NFE2L3: variants seen among roughly 807,000 people sequenced by gnomAD.
NFE2L3 encodes nuclear factor erythroid 2-related factor 3.
NFE2L3 carries 18 observed loss-of-function variants against 23.5 expected under a neutral mutation model. The ratio of observed to expected loss-of-function variants is 0.77; its 90% confidence interval spans 0.53 to 1.13. NFE2L3 has a LOEUF of 1.13. NFE2L3 is among the 50% of genes most tolerant of loss of function. The pLI is 0.00. For synonymous variants in NFE2L3, 424 were observed against 354.5 expected, an observed-to-expected ratio of 1.20 and a Z score of -2.20; for missense variants, 1,152 against 877.2, an observed-to-expected ratio of 1.31 and a Z score of -3.96.
At position 26,185,839 on chromosome 7, in the gene NFE2L3, A is replaced by C; in HGVS notation, c.*56A>C. ...AAGTAGTAATGTTCAGAAACTGATT[A>C]TTTGGATCAGAAACCATTGAAACTG... On this transcript the variant is annotated 3_prime_UTR_variant, in exon 4 of 4. Coordinates refer to ENST00000056233, the MANE Select transcript of NFE2L3 (RefSeq NM_004289.7). 7.2e-7 allele frequency: 1 copy of C among 1,392,190 alleles called. No homozygotes were observed. The highest frequency in any genetic ancestry group is 1.5e-5 in the African/African-American group (1 of 68,400). 86.2% of individuals were successfully genotyped at this position (1,392,190 alleles called of 1,614,324 possible).
chr7:26,181,228 T>C (rs1443226881), intron 2 of NFE2L3, among the ~76,000 whole-genome samples: 1 of 152,204 alleles, frequency 6.6e-6, no homozygotes, highest in East Asian at 1.9e-4. Context: ...CTGCCCACTT[T>C]GGCCTCCCAA....
intron 1 of NFE2L3, among the ~76,000 whole-genome samples, chr7:26,176,135 T>A (rs1026898533): frequency 1.3e-5 from 2 of 150,824 alleles, no homozygotes; most frequent in Non-Finnish European, 3.0e-5. Flanking sequence ...CATTTAACCC[T>A]GAGTTGACAC....
At chr7:26,183,618 GGTGATCCTTTAAA>G in intron 2 of NFE2L3, 70 bp from the exon 3 acceptor site, 3 of 803,134 alleles carry the variant, frequency 3.7e-6, no homozygotes, top group Non-Finnish European at 4.3e-6. Context: ...AATAATACCT[GGTGATCCTTTAAA>G]GATAAAGCCT....
In NFE2L3 at chr7:26,152,518, G is replaced by A. The variant is rs1201562781; in HGVS notation, c.20G>A (p.Trp7Ter). MKHLKR[W>*]WSAGGGLLHL... ...GCGGCGATGAAGCACCTGAAGCGGT[G>A]GTGGTCGGCCGGCGGCGGCCTCCTG... The change falls in exon 1 of 4, where the codon TGG (tryptophan) becomes TAG (stop). Residue 7 changes from tryptophan (W) to a stop codon, truncating the protein, a stop_gained. Coordinates refer to ENST00000056233, the MANE Select transcript of NFE2L3 (RefSeq NM_004289.7). LOFTEE classifies it high-confidence loss of function. The surrounding 1 kb of genome is among the most constrained non-coding windows in gnomAD (Gnocchi z 4.4). The A allele has an allele frequency of 5.0e-6, 7 of 1,410,762 alleles. No individual in the cohort carries two copies. Among genetic ancestry groups the A allele is most frequent in the South Asian group, 1.6e-5 (1 of 61,000 alleles). 87.4% of individuals were successfully genotyped at this position (1,410,762 alleles called of 1,614,324 possible).
At chr7:26,182,051 GTTTATGGCAAAATATT>G (rs1389983982) in intron 2 of NFE2L3, among the ~76,000 whole-genome samples, 2 of 152,070 alleles carry the variant, frequency 1.3e-5, no homozygotes, top group Middle Eastern at 3.2e-3. Flanking sequence ...TTTAAAATGA[GTTTATGGCAAAATATT>G]TCCAGAAAAG....
rs991686221 is a variant in NFE2L3 at position 26,152,855 on chromosome 7, G to A, written c.357G>A (p.Gly119=). 6.1e-6 allele frequency: 9 copies of A among 1,472,546 alleles called. No individual in the cohort carries two copies. In the African/African-American group the frequency reaches 1.2e-4, roughly 19 times the overall value. 91.2% of individuals were successfully genotyped at this position (1,472,546 alleles called of 1,614,324 possible). The change falls in exon 1 of 4, where the codon GGG becomes GGA. Residue 119 remains glycine, a synonymous_variant. Transcript: ENST00000056233. The surrounding 1 kb of genome is among the most constrained non-coding windows in gnomAD (Gnocchi z 4.4). ...DAWLVHSVAA[G]SADEAHGLLG... ...GGCTGGTGCACAGCGTGGCTGCCGGGAGCGCGGACGAGGCCCACGGGCTGC... is the reference window on the plus strand; with the variant it reads ...GGCTGGTGCACAGCGTGGCTGCCGGAAGCGCGGACGAGGCCCACGGGCTGC...
intron 1 of NFE2L3, among the ~76,000 whole-genome samples, chr7:26,177,600 G>A (rs1423397219): frequency 6.6e-6 from 1 of 152,158 alleles, no homozygotes. Flanking sequence ...GTCGAAAGGA[G>A]GGAAGGAGGG....
In NFE2L3 at chr7:26,157,344, A is replaced by AT. The variant is rs1280239595; in HGVS notation, c.570+4290dup. On this transcript the variant is annotated intron_variant, in intron 1 of 3. Coordinates refer to ENST00000056233, the MANE Select transcript of NFE2L3 (RefSeq NM_004289.7). ...AGACGCGCACCACTGCTTCTGGCTG[A>AT]TTTTTTTTTTTTTTAATAGAAATAA... Among the ~76,000 whole-genome samples the AT allele has an allele frequency of 4.4e-3, 627 of 143,286 alleles. 3 individuals carry two copies. Among genetic ancestry groups the AT allele is most frequent in the African/African-American group, 8.9e-3 (348 of 39,280 alleles). The allele number at this position is 143,286 out of a possible 152,430, so 94.0% of individuals were successfully genotyped here.
chr7:26,178,387 T>A (rs1784451528), intron 2 of NFE2L3, among the ~76,000 whole-genome samples: 1 of 152,116 alleles, frequency 6.6e-6, no homozygotes. Flanking sequence ...GCTAGCAGGT[T>A]TTGCTAGTTA....
intron 2 of NFE2L3, among the ~76,000 whole-genome samples, chr7:26,178,972 C>CCCTG (rs1351182321): frequency 6.6e-6 from 1 of 152,150 alleles, no homozygotes; most frequent in African/African-American, 2.4e-5. Context: ...GAGTACCATG[C>CCCTG]CCTGACCCTT....
chr7:26,153,066 G>T lies in NFE2L3; in HGVS notation c.568G>T (p.Glu190Ter). Residue 190 changes from glutamate (E) to a stop codon, truncating the protein, a stop_gained and splice_region_variant, in exon 1 of 4, where the codon GAG becomes TAG. Transcript: ENST00000056233. LOFTEE classifies it high-confidence loss of function. ...QVPDAGGCASEENGVLREKHE... is the reference protein window; with the variant it reads ...QVPDAGGCAS ...GCCGGACGCTGGCGGATGTGCGAGC[G>T]AGGTAGGTGCAGAGCGGGAAGCGAG... is the stretch of plus-strand genomic sequence containing the variant. 6.5e-7 allele frequency: 1 copy of T among 1,526,958 alleles called. No homozygotes were observed. The highest frequency in any genetic ancestry group is 1.4e-5 in the African/African-American group (1 of 71,352). 94.6% of individuals were successfully genotyped at this position (1,526,958 alleles called of 1,614,324 possible). A position where few individuals can be genotyped will look rare whatever the true frequency, so the allele number is the denominator to read the frequency against.
At chr7:26,180,065 A>G (rs1483971033) in intron 2 of NFE2L3, among the ~76,000 whole-genome samples, 1 of 152,136 alleles carries the variant, frequency 6.6e-6, no homozygotes, top group African/African-American at 2.4e-5. Flanking sequence ...CTGGCCGCCT[A>G]GCACCTGGAA....
At position 26,166,216 on chromosome 7, in the gene NFE2L3, C is replaced by T. The variant is rs796413282; in HGVS notation, c.571-11727C>T. Among the ~76,000 whole-genome samples the T allele has an allele frequency of 4.6e-5, 7 of 152,188 alleles. 2 individuals are homozygous for T. In the South Asian group the frequency reaches 1.0e-3, roughly 23 times the overall value. On this transcript the variant is annotated intron_variant, in intron 1 of 3. Coordinates refer to ENST00000056233, the MANE Select transcript of NFE2L3 (RefSeq NM_004289.7). The stretch of plus-strand genomic sequence containing the variant: ...CTTCTTACAGCCATGTGGTCAGGGG[C>T]AGACAGGGACGTTGGAGTGCCCAGA...
intron 1 of NFE2L3, among the ~76,000 whole-genome samples, chr7:26,170,083 C>A (rs1213975888): frequency 1.3e-5 from 2 of 152,060 alleles, no homozygotes; most frequent in Admixed American, 1.3e-4. Context: ...TTAATAGTAC[C>A]CTCTTACCCT....
Position 26,185,458 on chromosome 7 carries a change from A to G in NFE2L3, c.1760A>G (p.Lys587Arg), listed in dbSNP as rs1337496115. The change falls in exon 4 of 4, where the codon AAA becomes AGA. Residue 587 changes from lysine to arginine, a missense_variant. Lys to Arg is a conservative substitution (Grantham distance 26). Transcript: ENST00000056233. The part of the protein sequence containing the change: ...SLIRDIRRRG[K>R]NKVAAQNCRK... ...ATCCGTGACATCAGACGAAGAGGGA[A>G]AAATAAAGTTGCTGCGCAGAACTGT... 81 of 1,614,106 alleles carry G rather than the reference A, an allele frequency of 5.0e-5. 5 individuals carry two copies. The South Asian group carries it at 8.8e-4, about 18-fold the overall frequency.
intron 1 of NFE2L3, among the ~76,000 whole-genome samples, chr7:26,166,974 A>C (rs1384849379): frequency 1.3e-5 from 2 of 152,222 alleles, no homozygotes; most frequent in Non-Finnish European, 2.9e-5. Context: ...CTGTTCACAA[A>C]GGGTATTTTC....
At position 26,152,383 on chromosome 7, in the gene NFE2L3, T is replaced by G; in HGVS notation, c.-116T>G. ...CACGCGCCCCGGTCCATTGTTTCGCTTATCTGGGTTCCAGGCAGGTGCGGG... is the reference window on the plus strand; with the variant it reads ...CACGCGCCCCGGTCCATTGTTTCGCGTATCTGGGTTCCAGGCAGGTGCGGG... On this transcript the variant is annotated 5_prime_UTR_variant, in exon 1 of 4. Coordinates refer to ENST00000056233, the MANE Select transcript of NFE2L3 (RefSeq NM_004289.7). This position sits in a 1 kb window ranked among gnomAD's most constrained non-coding sequence, Gnocchi z 4.4. 1 of 684,938 alleles carries G rather than the reference T, an allele frequency of 1.5e-6. No homozygotes were observed. Among genetic ancestry groups the G allele is most frequent in the Non-Finnish European group, 2.0e-6 (1 of 512,722 alleles). The allele number at this position is 684,938 out of a possible 1,614,324, so 42.4% of individuals were successfully genotyped here. A position where few individuals can be genotyped will look rare whatever the true frequency, so the allele number is the denominator to read the frequency against.
At chr7:26,184,512 T>G in intron 3 of NFE2L3, 21 bp from the exon 4 acceptor site, 1 of 1,587,394 alleles carries the variant, frequency 6.3e-7, no homozygotes, top group Non-Finnish European at 8.6e-7. Flanking sequence ...ATGTTTGAAG[T>G]GTTTCTCCTT....
At chr7:26,174,232 T>C (rs886548054) in intron 1 of NFE2L3, 1 of 152,354 alleles carries the variant, frequency 6.6e-6, no homozygotes, top group Non-Finnish European at 1.5e-5. Context: ...AGAAGCTGTT[T>C]CCAGGAGGAG....
Sources: gnomAD v4.1 joint callset for allele counts (sites outside exome capture counted in the v4.1 genomes callset) on GRCh38, gnomAD v4.1.1 for gene constraint, Gnocchi (gnomAD v3.1) non-coding constraint, MANE v1.5 for transcripts, NCBI Gene and HGNC (gene_info 2026-07-23, HGNC 2026-07-21) for gene names.